TNRC6A: variants seen among roughly 807,000 people sequenced by gnomAD.
TNRC6A encodes trinucleotide repeat-containing gene 6A protein.
TNRC6A carries 44 observed loss-of-function variants against 221.2 expected under a neutral mutation model. The observed-to-expected ratio is 0.20, with a 90% CI of 0.16 to 0.26. The LOEUF (loss-of-function observed/expected upper bound fraction) is 0.26, where lower values mean the gene tolerates loss of function less well. Ranked by LOEUF, TNRC6A falls within the 10% of genes least tolerant of loss-of-function variation. The pLI, the probability that TNRC6A is intolerant of heterozygous loss-of-function variation, is 1.00. For synonymous variants in TNRC6A, 847 were observed against 838.5 expected (o/e 1.01, Z -0.18); for missense variants, 2,199 against 2,404.4 (o/e 0.91, Z 1.79).
At chr16:24,813,021 G>C (rs910891290) in intron 18 of TNRC6A, among the ~76,000 whole-genome samples, 1 of 151,436 alleles carries the variant, frequency 6.6e-6, no homozygotes, top group Non-Finnish European at 1.5e-5. Flanking sequence ...GATTACAGGC[G>C]AGCACTGCCA....
chr16:24,820,034 T>C, intron 21 of TNRC6A, 105 bp from the exon 22 acceptor site: 4 of 1,088,244 alleles, frequency 3.7e-6, no homozygotes, highest in Non-Finnish European at 5.3e-6. Context: ...AAGTTTCTTT[T>C]GTTTGTTAGA....
intron 2 of TNRC6A, among the ~76,000 whole-genome samples, chr16:24,703,793 T>C (rs1271007953): frequency 6.6e-6 from 1 of 151,632 alleles, no homozygotes; most frequent in East Asian, 1.9e-4. Flanking sequence ...TATGTTTAGA[T>C]TTTTTTTTGG....
intron 2 of TNRC6A, among the ~76,000 whole-genome samples, chr16:24,745,805 C>T (rs865922924): frequency 4.7e-5 from 7 of 149,050 alleles, no homozygotes; most frequent in Admixed American, 2.7e-4. Context: ...TCCCCCCCCC[C>T]CCCAGCTAAT....
intron 3 of TNRC6A, among the ~76,000 whole-genome samples, chr16:24,751,316 AAAGT>A (rs2057132353): frequency 1.3e-5 from 2 of 152,238 alleles, no homozygotes; most frequent in African/African-American, 4.8e-5. Context: ...AATAGGAAGT[AAAGT>A]GTCAGTTTCT....
At chr16:24,778,714 A>C (rs1404775782) in intron 5 of TNRC6A, among the ~76,000 whole-genome samples, 2 of 152,098 alleles carry the variant, frequency 1.3e-5, no homozygotes, top group Non-Finnish European at 2.9e-5. Flanking sequence ...CTAGGTGCCA[A>C]ATAAATTATC....
At chr16:24,724,472 G>A (rs1323384623) in intron 2 of TNRC6A, among the ~76,000 whole-genome samples, 2 of 152,130 alleles carry the variant, frequency 1.3e-5, no homozygotes, top group Admixed American at 6.6e-5. Context: ...TTGGCTGTGC[G>A]TGGTGGCTCA....
chr16:24,711,223 G>A (rs865788601), intron 2 of TNRC6A, among the ~76,000 whole-genome samples: 6 of 151,728 alleles, frequency 4.0e-5, no homozygotes, highest in African/African-American at 1.5e-4. Flanking sequence ...GGCCAGGCTG[G>A]TCTCGAACTC....
intron 2 of TNRC6A, among the ~76,000 whole-genome samples, chr16:24,720,086 G>A (rs1567386016): frequency 6.6e-6 from 1 of 152,124 alleles, no homozygotes; most frequent in Non-Finnish European, 1.5e-5. Context: ...TAACATCAGG[G>A]AGATGTTATA....
intron 1 of TNRC6A, among the ~76,000 whole-genome samples, chr16:24,626,932 G>T (rs1218084801): frequency 6.8e-6 from 1 of 147,696 alleles, no homozygotes; most frequent in East Asian, 2.0e-4. Flanking sequence ...GATTACAGGC[G>T]TGAGCCACCG....
At position 24,611,499 on chromosome 16, in the gene TNRC6A, G is replaced by T. The variant is rs372433040; in HGVS notation, n.276+1015G>T. Among the ~76,000 whole-genome samples, 8 of 152,128 alleles carry T rather than the reference G, an allele frequency of 5.3e-5. No homozygotes were observed. In the South Asian group the frequency reaches 1.7e-3, roughly 32 times the overall value. On this transcript the variant is annotated intron_variant and non_coding_transcript_variant, in intron 1 of 2. Transcript: ENST00000566108. ...ACAGTTACAGCAGTCAGGAGACAAGGCACTCGGACCCCAAACGTCTGACTC... is the reference window on the plus strand; with the variant it reads ...ACAGTTACAGCAGTCAGGAGACAAGTCACTCGGACCCCAAACGTCTGACTC...
At chr16:24,776,336 A>AAGG in intron 4 of TNRC6A, 1 of 984,760 alleles carries the variant, frequency 1.0e-6, no homozygotes, top group Non-Finnish European at 1.2e-6. Flanking sequence ...AGATAACGTT[A>AAGG]TCTTTGTCTT....
chr16:24,644,608 T>G (rs188980611), intron 2 of TNRC6A, among the ~76,000 whole-genome samples: 121 of 152,086 alleles, frequency 8.0e-4, no homozygotes, highest in African/African-American at 2.6e-3. Flanking sequence ...TGGTTTTTTT[T>G]TGTGGGTTTT....
intron 2 of TNRC6A, among the ~76,000 whole-genome samples, chr16:24,652,602 ACTGTC>A (rs1324342516): frequency 6.6e-6 from 1 of 152,164 alleles, no homozygotes; most frequent in Non-Finnish European, 1.5e-5. Flanking sequence ...TTTCATAATC[ACTGTC>A]CTTTTTCTTT....
At chr16:24,625,370 T>A (rs1377482412) in intron 1 of TNRC6A, among the ~76,000 whole-genome samples, 3 of 152,126 alleles carry the variant, frequency 2.0e-5, no homozygotes, top group Non-Finnish European at 4.4e-5. Context: ...TCCCAGCACT[T>A]TGGGAGGCCA....
rs1336542431 is a variant in TNRC6A at position 24,639,446 on chromosome 16, T to TCA, written n.277-1434_277-1433dup. Reference sequence around the variant, plus strand: ...AGTTGGAGGCTGCAGTGAGCTATGATCACACCACTGCACTCCAACCTGGGC... The same window carrying TCA: ...AGTTGGAGGCTGCAGTGAGCTATGATCACACACCACTGCACTCCAACCTGGGC... On this transcript the variant is annotated intron_variant and non_coding_transcript_variant, in intron 1 of 2. Transcript: ENST00000566108. Among the ~76,000 whole-genome samples the TCA allele has an allele frequency of 2.0e-5, 3 of 151,844 alleles. No individual in the cohort carries two copies. The East Asian group carries it at 5.8e-4, about 29-fold the overall frequency.
In TNRC6A at chr16:24,790,345, A is replaced by T. The variant is rs1469408938; in HGVS notation, c.1703A>T (p.Asn568Ile). Residue 568 changes from asparagine to isoleucine, a missense_variant, in exon 6 of 25, where the codon AAC (asparagine) becomes ATC (isoleucine). Asn to Ile is a moderately radical substitution (Grantham distance 149). This residue lies in a region of TNRC6A where 1,405 missense variants were observed against 1,400.2 expected (regional missense o/e 1.00). Transcript: ENST00000395799. The part of the protein sequence containing the change: ...PMGTNFQVNT[N>I]KGGGVWESGA... ...GGCACTAACTTTCAAGTTAACACAAACAAAGGAGGTGGTGTGTGGGAATCT... is the reference window on the plus strand; with the variant it reads ...GGCACTAACTTTCAAGTTAACACAATCAAAGGAGGTGGTGTGTGGGAATCT... The T allele has an allele frequency of 6.2e-7, 1 of 1,614,126 alleles. No homozygotes were observed. The highest frequency in any genetic ancestry group is 2.2e-5 in the East Asian group (1 of 44,904).
intron 12 of TNRC6A, 155 bp from the exon 13 acceptor site, chr16:24,804,550 C>G: frequency 1.6e-6 from 2 of 1,245,166 alleles, no homozygotes; most frequent in Non-Finnish European, 2.2e-6. Flanking sequence ...TTTTTGTGTG[C>G]TCTAGAATTA....
At chr16:24,646,970 CCAGG>C (rs1382967449) in intron 2 of TNRC6A, among the ~76,000 whole-genome samples, 1 of 150,704 alleles carries the variant, frequency 6.6e-6, no homozygotes, top group Non-Finnish European at 1.5e-5. Flanking sequence ...CCTCTATTTC[CCAGG>C]CTGGAGTGTG....
chr16:24,615,408 T>C (rs533204126), intron 1 of TNRC6A, among the ~76,000 whole-genome samples: 29 of 152,094 alleles, frequency 1.9e-4, no homozygotes, highest in Non-Finnish European at 2.8e-4. Flanking sequence ...TTAGACTTCA[T>C]ATGTAAATTT....
Sources: gnomAD v4.1 joint callset for allele counts (sites outside exome capture counted in the v4.1 genomes callset) on GRCh38, gnomAD v4.1.1 for gene constraint, gnomAD v4.1.1 regional missense constraint, MANE v1.5 for transcripts, NCBI Gene and HGNC (gene_info 2026-07-23, HGNC 2026-07-21) for gene names.